NOTCH3: variants seen among roughly 807,000 people sequenced by gnomAD.
NOTCH3 encodes neurogenic locus notch homolog protein 3.
NOTCH3 carries 86 observed loss-of-function variants against 213.3 expected under a neutral mutation model. That is an observed-to-expected ratio of 0.40 (90% CI 0.34 to 0.48). The LOEUF is 0.48. Among genes scored for constraint, NOTCH3 ranks in the 20% least tolerant of loss-of-function variants. The probability of loss-of-function intolerance (pLI) is 0.57; values close to 1 mark genes in which losing one functional copy is unlikely to be tolerated. For synonymous variants in NOTCH3, 1,354 were observed against 1,355.9 expected, an observed-to-expected ratio of 1.00 and a Z score of 0.03; for missense variants, 2,783 against 3,272.6, an observed-to-expected ratio of 0.85 and a Z score of 3.65.
In NOTCH3 at chr19:15,187,132, G is replaced by A. The variant is rs1424315714; in HGVS notation, c.1813C>T (p.Leu605Phe). ...GKCLDLVDKYLCRCPSGTTGV... is the reference protein window; with the variant it reads ...GKCLDLVDKYFCRCPSGTTGV... The stretch of plus-strand genomic sequence containing the variant: ...GTGGTCCCAGAAGGGCAGCGGCAGA[G>A]GTACTTGTCCACCAGGTCTAGGCAT... The change falls in exon 11 of 33, where the codon CTC (leucine) becomes TTC (phenylalanine). Residue 605 changes from leucine to phenylalanine, a missense_variant. Coordinates refer to ENST00000263388, the MANE Select transcript of NOTCH3 (RefSeq NM_000435.3). 8.7e-6 allele frequency: 14 copies of A among 1,614,126 alleles called. No individual in the cohort carries two copies. The highest frequency in any genetic ancestry group is 1.2e-5 in the Non-Finnish European group (14 of 1,180,022).
rs2046927685 is a variant in NOTCH3 at position 15,191,660 on chromosome 19, G to A, written c.803-3C>T. On this transcript the variant is annotated splice_region_variant and splice_polypyrimidine_tract_variant and intron_variant, in intron 5 of 32. Transcript: ENST00000263388. ...CACGTCCTCCGTGCAGAACTGGCCT[G>A]TGGCACACAGATGCAGCAGTCCAGC... The A allele has an allele frequency of 1.9e-6, 3 of 1,613,552 alleles. No homozygotes were observed. The highest frequency in any genetic ancestry group is 2.7e-5 in the African/African-American group (2 of 75,060).
Position 15,165,759 on chromosome 19 carries a change from T to C in NOTCH3, c.5667+28A>G, listed in dbSNP as rs762298568. On this transcript the variant is annotated intron_variant, in intron 30 of 32. Coordinates refer to ENST00000263388, the MANE Select transcript of NOTCH3 (RefSeq NM_000435.3). This position sits in a 1 kb window ranked among gnomAD's most constrained non-coding sequence, Gnocchi z 4.7. The stretch of plus-strand genomic sequence containing the variant: ...GTAAGTCTAATGCCTGCCCCAGCTC[T>C]GAGGTCCAAAGTGTGTGCCTATCTC... The C allele has an allele frequency of 6.2e-7, 1 of 1,606,290 alleles. No individual in the cohort carries two copies. The highest frequency in any genetic ancestry group is 8.5e-7 in the Non-Finnish European group (1 of 1,179,144).
chr19:15,160,694 C>A lies in NOTCH3; in HGVS notation c.6934G>T (p.Glu2312Ter). The change falls in exon 33 of 33, where the codon GAA (glutamate) becomes TAA (stop). Residue 2312 changes from glutamate (E) to a stop codon, truncating the protein, a stop_gained. Coordinates refer to ENST00000263388, the MANE Select transcript of NOTCH3 (RefSeq NM_000435.3). LOFTEE classifies it high-confidence loss of function. ...QAQTQLGPQP[E>*]VTPKRQVLA Reference sequence around the variant, plus strand: ...AACACTTGCCTCTTGGGGGTAACTTCCGGCTGGGGCCCCAGCTGGGTCTGG... The same window carrying A: ...AACACTTGCCTCTTGGGGGTAACTTACGGCTGGGGCCCCAGCTGGGTCTGG... 6.2e-7 allele frequency: 1 copy of A among 1,614,156 alleles called. No individual in the cohort carries two copies. Among genetic ancestry groups the A allele is most frequent in the Non-Finnish European group, 8.5e-7 (1 of 1,180,032 alleles).
Position 15,178,949 on chromosome 19 carries a change from A to C in NOTCH3, c.3719-8T>G, listed in dbSNP as rs367871895. ...CAGTCTGACAGCGAGGACCTGAGCG[A>C]GCGGGAGCATGTAGATCAGCCACAA... On this transcript the variant is annotated splice_region_variant and splice_polypyrimidine_tract_variant and intron_variant, in intron 22 of 32. Coordinates refer to ENST00000263388, the MANE Select transcript of NOTCH3 (RefSeq NM_000435.3). The C allele has an allele frequency of 6.2e-7, 1 of 1,614,042 alleles. No individual in the cohort carries two copies. Among genetic ancestry groups the C allele is most frequent in the South Asian group, 1.1e-5 (1 of 91,084 alleles).
rs1599378895 is a variant in NOTCH3 at position 15,178,002 on chromosome 19, C to G, written c.3926G>C (p.Arg1309Pro). 6.8e-7 allele frequency: 1 copy of G among 1,465,084 alleles called. No homozygotes were observed. The allele number at this position is 1,465,084 out of a possible 1,614,324, so 90.8% of individuals were successfully genotyped here. ...TGGGGGGCAGGCGCAGCGCGGCCCG[C>G]GGGGCGTCTGCTGGCATGGGACGCC... The part of the protein sequence containing the change: ...PVGVPCQQTP[R>P]GPRCACPPGL... Residue 1309 changes from arginine (R) to proline (P), a missense_variant, in exon 24 of 33, where the codon CGC becomes CCC. This residue lies in a region of NOTCH3 where 133 missense variants were observed against 201.9 expected (regional missense o/e 0.66). Transcript: ENST00000263388.
Position 15,185,547 on chromosome 19 carries a change from G to A in NOTCH3, c.2084C>T (p.Pro695Leu), listed in dbSNP as rs202228716. 1.3e-5 allele frequency: 21 copies of A among 1,613,516 alleles called. No individual in the cohort carries two copies. The highest frequency in any genetic ancestry group is 3.3e-5 in the Admixed American group (2 of 59,978). Residue 695 changes from proline to leucine, a missense_variant, in exon 13 of 33, where the codon CCG becomes CTG. Transcript: ENST00000263388. The surrounding 1 kb of genome is among the most constrained non-coding windows in gnomAD (Gnocchi z 4.2). ...PGSLPPLCLPPSHPCAHEPCS... is the reference protein window; with the variant it reads ...PGSLPPLCLPLSHPCAHEPCS... ...GGGCTCATGGGCACAGGGATGGCTC[G>A]GGGGGAGGCAGAGTGGGGGCAAGGA... is the stretch of plus-strand genomic sequence containing the variant.
At chr19:15,167,580 G>A (rs955337207) in intron 28 of NOTCH3, among the ~76,000 whole-genome samples, 169 bp from the exon 29 acceptor site, 1 of 152,012 alleles carries the variant, frequency 6.6e-6, no homozygotes, top group Non-Finnish European at 1.5e-5. Context: ...TTGAGACAGA[G>A]TCTCGCTCTG....
At position 15,187,945 on chromosome 19, in the gene NOTCH3, C is replaced by A; in HGVS notation, c.1542G>T (p.Thr514=). The A allele has an allele frequency of 6.4e-7, 1 of 1,550,514 alleles. No individual in the cohort carries two copies. Among genetic ancestry groups the A allele is most frequent in the Non-Finnish European group, 8.7e-7 (1 of 1,146,976 alleles). Residue 514 remains threonine, a synonymous_variant, in exon 10 of 33, where the codon ACG becomes ACT. Coordinates refer to ENST00000263388, the MANE Select transcript of NOTCH3 (RefSeq NM_000435.3). ...CGCATTTGGCGCCATTCCTGCAGGG[C>A]GTGCTGGCGCATTCGTCCACGTCCA... ...CQLDVDECAS[T]PCRNGAKCVD... is the part of the protein sequence containing the mutation.
intron 17 of NOTCH3, among the ~76,000 whole-genome samples, 160 bp downstream of exon 17, chr19:15,181,416 C>T (rs542038855): frequency 6.6e-6 from 1 of 152,270 alleles, no homozygotes. Context: ...TCCAAACAGA[C>T]GCCCTGCTCC....
rs968661103 is a variant in NOTCH3, at chr19:15,173,920, A to G, written c.4736+148T>C. The G allele has an allele frequency of 1.4e-5, 9 of 649,674 alleles. No individual in the cohort carries two copies. The South Asian group carries it at 1.9e-4, about 14-fold the overall frequency. 40.2% of individuals were successfully genotyped at this position (649,674 alleles called of 1,614,324 possible). ...CCCCAGAAGCACTAGCTCCATCTGG[A>G]GGCATTTTTTGCTTGTCACAGCCAG... is the stretch of plus-strand genomic sequence containing the variant. On this transcript the variant is annotated intron_variant, in intron 25 of 32. Transcript: ENST00000263388.
chr19:15,192,653 G>T, intron 2 of NOTCH3, 134 bp from the exon 3 acceptor site: 1 of 1,298,252 alleles, frequency 7.7e-7, no homozygotes, highest in Non-Finnish European at 1.1e-6. Flanking sequence ...AGTGGCTCAC[G>T]CCTGTAATCC....
At chr19:15,193,884 C>A (rs1185108819) in intron 2 of NOTCH3, among the ~76,000 whole-genome samples, 1 of 151,446 alleles carries the variant, frequency 6.6e-6, no homozygotes, top group Admixed American at 6.6e-5. Context: ...GAGTTCAAGA[C>A]CAGCCTGGCC....
intron 24 of NOTCH3, among the ~76,000 whole-genome samples, chr19:15,175,611 A>ACACG (rs199896116): frequency 9.2e-5 from 13 of 142,040 alleles, no homozygotes; most frequent in Admixed American, 1.4e-4. Flanking sequence ...ACACACACAC[A>ACACG]CACGCACGCA....
In NOTCH3 at chr19:15,185,656, T is replaced by C. The variant is rs2046875935; in HGVS notation, c.1975A>G (p.Asn659Asp). ...FTGPLCNVEI[N>D]ECASSPCGEG... ...CCGCATGGGCTGGAAGCACACTCAT[T>C]GATCTCCACGTTACAAAGGGGCCCT... Residue 659 changes from asparagine (N) to aspartate (D), a missense_variant, in exon 13 of 33, where the codon AAT becomes GAT. By Grantham distance (23) the Asn-to-Asp change is conservative. Around this residue, in one of 6 missense-constraint regions of NOTCH3, gnomAD observed 861 missense variants for 909.1 expected, o/e 0.95. Coordinates refer to ENST00000263388, the MANE Select transcript of NOTCH3 (RefSeq NM_000435.3). The surrounding 1 kb of genome is among the most constrained non-coding windows in gnomAD (Gnocchi z 4.2). The C allele has an allele frequency of 6.2e-7, 1 of 1,613,482 alleles. No individual in the cohort carries two copies. The highest frequency in any genetic ancestry group is 2.2e-5 in the East Asian group (1 of 44,878).
chr19:15,170,498 C>T lies in NOTCH3; in HGVS notation c.4947G>A (p.Ala1649=), dbSNP rs752635429. 8 of 1,609,880 alleles carry T rather than the reference C, an allele frequency of 5.0e-6. No homozygotes were observed. Among genetic ancestry groups the T allele is most frequent in the African/African-American group, 1.3e-5 (1 of 74,936 alleles). Residue 1649 remains alanine, a synonymous_variant, in exon 27 of 33, where the codon GCG becomes GCA. Coordinates refer to ENST00000263388, the MANE Select transcript of NOTCH3 (RefSeq NM_000435.3). The part of the protein sequence containing the change: ...PSVPLLPLLV[A]GAVLLLVILV... ...GAATGACCAGCAGCAAGACAGCGCCCGCCACTAGCAGTGGCAGCAGCGGGA... is the reference window on the plus strand; with the variant it reads ...GAATGACCAGCAGCAAGACAGCGCCTGCCACTAGCAGTGGCAGCAGCGGGA...
intron 28 of NOTCH3, among the ~76,000 whole-genome samples, chr19:15,168,707 G>A (rs2145396793): frequency 6.6e-6 from 1 of 151,996 alleles, no homozygotes; most frequent in East Asian, 1.9e-4. Flanking sequence ...GGTAGCACAT[G>A]CCTATAATCC....
Position 15,180,970 on chromosome 19 carries a change from C to T in NOTCH3, c.2985G>A (p.Pro995=), listed in dbSNP as rs949406231. 3 of 1,591,306 alleles carry T rather than the reference C, an allele frequency of 1.9e-6. No homozygotes were observed. Among genetic ancestry groups the T allele is most frequent in the East Asian group, 2.3e-5 (1 of 43,568 alleles). The change falls in exon 18 of 33, where the codon CCG becomes CCA. Residue 995 remains proline, a synonymous_variant. Coordinates refer to ENST00000263388, the MANE Select transcript of NOTCH3 (RefSeq NM_000435.3). ...CAGTAACTCCACCCACCTGGCACTG[C>T]GGGCCCGTGAAGCTCTCGAGGCAGG... ...RCTCLESFTG[P]QCQTLVDWCS...
chr19:15,188,863 G>A, intron 8 of NOTCH3, 126 bp downstream of exon 8: 1 of 936,694 alleles, frequency 1.1e-6, no homozygotes, highest in South Asian at 1.6e-5. Context: ...CCTCCTTCCA[G>A]GCTTCAGTCT....
chr19:15,173,083 CTTCTTCTTCTTCTTCTTCTTCTTTTTT>C (rs1599372508), intron 25 of NOTCH3, among the ~76,000 whole-genome samples: 1 of 30,020 alleles, frequency 3.3e-5, no homozygotes, highest in Non-Finnish European at 5.6e-5. Flanking sequence ...TCTTCTTCTT[CTTCTTCTTCTTCTTCTTCTTCTTTTTT>C]TTTTTTTTTT....
Sources: gnomAD v4.1 joint callset for allele counts (sites outside exome capture counted in the v4.1 genomes callset) on GRCh38, gnomAD v4.1.1 for gene constraint, gnomAD v4.1.1 regional missense constraint, Gnocchi (gnomAD v3.1) non-coding constraint, MANE v1.5 for transcripts, NCBI Gene and HGNC (gene_info 2026-07-23, HGNC 2026-07-21) for gene names.